EPHA5: variants seen among roughly 807,000 people sequenced by gnomAD.
EPHA5 encodes ephrin type-A receptor 5.
In EPHA5, 60 loss-of-function variants were observed where a neutral mutation model predicts 105.0. That is an observed-to-expected ratio of 0.57 (90% CI 0.46 to 0.71). EPHA5 has a LOEUF of 0.71. Among genes scored for constraint, EPHA5 ranks in the 30% least tolerant of loss-of-function variants. The pLI, the probability that EPHA5 is intolerant of heterozygous loss-of-function variation, is 0.00. For synonymous variants in EPHA5, 513 were observed against 449.1 expected (o/e 1.14, Z -1.80); for missense variants, 1,218 against 1,274.7 (o/e 0.96, Z 0.68).
intron 1 of EPHA5, among the ~76,000 whole-genome samples, chr4:65,649,450 C>T (rs1248645942): frequency 2.6e-5 from 4 of 152,136 alleles, no homozygotes; most frequent in African/African-American, 9.7e-5. Flanking sequence ...AGTAAATGAC[C>T]TCAAATGAGC....
intron 3 of EPHA5, among the ~76,000 whole-genome samples, chr4:65,509,204 T>C (rs1312345358): frequency 6.6e-6 from 1 of 152,126 alleles, no homozygotes; most frequent in Non-Finnish European, 1.5e-5. Context: ...AATAGAAAAT[T>C]CACGCTCAAA....
At chr4:65,661,266 T>TTTGTTG (rs200328415) in intron 1 of EPHA5, among the ~76,000 whole-genome samples, 1 of 152,030 alleles carries the variant, frequency 6.6e-6, no homozygotes, top group Non-Finnish European at 1.5e-5. Context: ...TTTGTATGCT[T>TTTGTTG]TTGTTGTTGT....
At chr4:65,486,181 T>C (rs188752393) in intron 5 of EPHA5, among the ~76,000 whole-genome samples, 1 of 152,240 alleles carries the variant, frequency 6.6e-6, no homozygotes, top group African/African-American at 2.4e-5. Flanking sequence ...CCTCCCCTCA[T>C]CTTCTCATTA....
intron 8 of EPHA5, among the ~76,000 whole-genome samples, chr4:65,389,797 G>T (rs1247259742): frequency 6.6e-6 from 1 of 151,944 alleles, no homozygotes; most frequent in Non-Finnish European, 1.5e-5. Context: ...TTGAATCTAT[G>T]GAATTATCTG....
chr4:65,608,677 A>T (rs1744473113), intron 2 of EPHA5, among the ~76,000 whole-genome samples: 2 of 152,192 alleles, frequency 1.3e-5, no homozygotes, highest in African/African-American at 4.8e-5. Context: ...GCTAATTTAA[A>T]GGTGATCCTG....
chr4:65,408,990 C>T (rs1722646287), intron 7 of EPHA5, among the ~76,000 whole-genome samples: 1 of 130,800 alleles, frequency 7.6e-6, no homozygotes, highest in Non-Finnish European at 1.6e-5. Flanking sequence ...ACATATACAC[C>T]ATGGAATACT....
Position 65,508,101 on chromosome 4 carries a change from C to G in EPHA5, c.911-12558G>C, listed in dbSNP as rs1050976624. On this transcript the variant is annotated intron_variant, in intron 3 of 16. Coordinates refer to ENST00000613740, the MANE Select transcript of EPHA5 (RefSeq NM_001281766.3). ...TTTTAGTTTTTCCTTAGTACATGGGCTTTTGTGAGCAATATTTGTGTTAAC... is the reference window on the plus strand; with the variant it reads ...TTTTAGTTTTTCCTTAGTACATGGGGTTTTGTGAGCAATATTTGTGTTAAC... Among the ~76,000 whole-genome samples the G allele has an allele frequency of 3.3e-5, 5 of 151,918 alleles. No individual in the cohort carries two copies. The East Asian group carries it at 9.7e-4, about 29-fold the overall frequency.
intron 3 of EPHA5, among the ~76,000 whole-genome samples, chr4:65,557,281 C>T (rs1282904153): frequency 7.3e-6 from 1 of 136,428 alleles, no homozygotes; most frequent in Non-Finnish European, 1.6e-5. Context: ...GTTATTAACA[C>T]TCCATCTTAT....
intron 5 of EPHA5, among the ~76,000 whole-genome samples, chr4:65,445,648 C>T (rs1726447858): frequency 6.6e-6 from 1 of 152,028 alleles, no homozygotes; most frequent in Admixed American, 6.6e-5. Context: ...CCCTTTTTTC[C>T]TATAGGTTGG....
chr4:65,349,782 T>C, intron 13 of EPHA5, among the ~76,000 whole-genome samples: 1 of 152,202 alleles, frequency 6.6e-6, no homozygotes, highest in Non-Finnish European at 1.5e-5. Context: ...GGCAAGATTG[T>C]ATTATGAGTC....
chr4:65,579,646 A>G (rs1030759271), intron 3 of EPHA5, among the ~76,000 whole-genome samples: 1 of 151,864 alleles, frequency 6.6e-6, no homozygotes, highest in African/African-American at 2.4e-5. Context: ...GATTTGTTGA[A>G]TAAAATACAC....
intron 2 of EPHA5, among the ~76,000 whole-genome samples, chr4:65,609,666 T>C (rs1169024509): frequency 6.6e-6 from 1 of 151,688 alleles, no homozygotes; most frequent in African/African-American, 2.4e-5. Context: ...TTCAATGTTG[T>C]CATTGTATTT....
intron 5 of EPHA5, among the ~76,000 whole-genome samples, chr4:65,482,835 C>A (rs1303353201): frequency 1.4e-5 from 2 of 139,510 alleles, no homozygotes; most frequent in East Asian, 2.2e-4. Flanking sequence ...CCTACCATTT[C>A]TTTTCCTTTT....
intron 8 of EPHA5, among the ~76,000 whole-genome samples, chr4:65,389,686 A>G (rs960161788): frequency 6.6e-6 from 1 of 152,200 alleles, no homozygotes; most frequent in South Asian, 2.1e-4. Context: ...CAAGGGGAAT[A>G]GGCATAGCAA....
chr4:65,642,294 C>T lies in EPHA5; in HGVS notation c.246+1069G>A, dbSNP rs552847144. Among the ~76,000 whole-genome samples the T allele has an allele frequency of 2.1e-4, 32 of 151,728 alleles. No homozygotes were observed. In the South Asian group the frequency reaches 5.6e-3, roughly 27 times the overall value. ...TAGCCAGGCATTTATCTGTATGGAG[C>T]GATGATAGATGAGAGAAAGAGTGTG... On this transcript the variant is annotated intron_variant, in intron 2 of 16. Coordinates refer to ENST00000613740, the MANE Select transcript of EPHA5 (RefSeq NM_001281766.3).
chr4:65,396,921 C>A (rs1421050789), intron 8 of EPHA5, among the ~76,000 whole-genome samples: 1 of 152,132 alleles, frequency 6.6e-6, no homozygotes, highest in East Asian at 1.9e-4. Context: ...CAGAAGGAGG[C>A]CCAAGAGAGG....
intron 6 of EPHA5, among the ~76,000 whole-genome samples, chr4:65,420,087 C>T (rs1013670175): frequency 1.3e-5 from 2 of 152,122 alleles, no homozygotes; most frequent in African/African-American, 2.4e-5. Flanking sequence ...GAGTTACTGG[C>T]CATAAGCACA....
chr4:65,664,581 A>G (rs1051846829), intron 1 of EPHA5, among the ~76,000 whole-genome samples: 9 of 152,092 alleles, frequency 5.9e-5, no homozygotes, highest in African/African-American at 2.2e-4. Flanking sequence ...CATTAGGTAT[A>G]TAAGTATACA....
At chr4:65,445,854 G>T (rs1205826914) in intron 5 of EPHA5, among the ~76,000 whole-genome samples, 1 of 152,150 alleles carries the variant, frequency 6.6e-6, no homozygotes, top group Non-Finnish European at 1.5e-5. Flanking sequence ...TTCTCTAGTA[G>T]TTCAAGGAAT....
Sources: gnomAD v4.1 joint callset for allele counts (sites outside exome capture counted in the v4.1 genomes callset) on GRCh38, gnomAD v4.1.1 for gene constraint, MANE v1.5 for transcripts, NCBI Gene and HGNC (gene_info 2026-07-23, HGNC 2026-07-21) for gene names.